The following NAALAD2 variants were observed in gnomAD, a reference collection of about 807,000 sequenced individuals.
NAALAD2 encodes the protein N-acetylated-alpha-linked acidic dipeptidase 2.
Under a neutral mutation model 95.6 loss-of-function variants are expected in NAALAD2, and 89 were observed. The ratio of observed to expected loss-of-function variants is 0.93; its 90% CI spans 0.78 to 1.11. NAALAD2 has a LOEUF of 1.11. Among genes scored for constraint, NAALAD2 ranks in the 50% least tolerant of loss-of-function variants. The pLI is 0.00. For missense variants in NAALAD2, 894 were observed against 872.4 expected, an observed-to-expected ratio of 1.02 and a Z score of -0.31; for synonymous variants, 264 against 294.4, an observed-to-expected ratio of 0.90 and a Z score of 1.06.
intron 2 of NAALAD2, among the ~76,000 whole-genome samples, chr11:90,138,344 G>C (rs1250683420): frequency 6.6e-6 from 1 of 152,136 alleles, no homozygotes; most frequent in East Asian, 1.9e-4. Context: ...AGAAGGTAGA[G>C]AAGGGAGTCA....
At chr11:90,189,870 T>C (rs1857272549) in intron 18 of NAALAD2, among the ~76,000 whole-genome samples, 1 of 152,266 alleles carries the variant, frequency 6.6e-6, no homozygotes, top group Non-Finnish European at 1.5e-5. Flanking sequence ...GTGTTGACCA[T>C]ATTCTCTAGT....
At chr11:90,191,360 ATATGTCT>A (rs539340202) in intron 18 of NAALAD2, among the ~76,000 whole-genome samples, 191 bp from the exon 19 acceptor site, 222 of 151,104 alleles carry the variant, frequency 1.5e-3, no homozygotes, top group African/African-American at 5.3e-3. Flanking sequence ...GATTCCTGAG[ATATGTCT>A]TAGCGAATGC....
At chr11:90,173,259 T>C (rs1952692171) in intron 13 of NAALAD2, among the ~76,000 whole-genome samples, 1 of 152,056 alleles carries the variant, frequency 6.6e-6, no homozygotes, top group Admixed American at 6.6e-5. Flanking sequence ...TTTTAAAAAA[T>C]CCATAAAATT....
intron 6 of NAALAD2, among the ~76,000 whole-genome samples, chr11:90,156,845 C>T (rs1199102649): frequency 6.6e-6 from 1 of 152,056 alleles, no homozygotes; most frequent in African/African-American, 2.4e-5. Flanking sequence ...TTTCTGATTT[C>T]CCTTTTCATT....
intron 18 of NAALAD2, among the ~76,000 whole-genome samples, chr11:90,190,700 A>G (rs1656720461): frequency 6.6e-6 from 1 of 152,156 alleles, no homozygotes; most frequent in Admixed American, 6.6e-5. Context: ...GGCCATATTA[A>G]GATTTAAAAG....
intron 11 of NAALAD2, among the ~76,000 whole-genome samples, chr11:90,168,280 G>C (rs1003622819): frequency 2.6e-5 from 4 of 152,256 alleles, no homozygotes; most frequent in Admixed American, 6.5e-5. Flanking sequence ...CTCCGGACAC[G>C]CCGCCTTTAA....
chr11:90,148,306 A>G (rs1382934500), intron 3 of NAALAD2, among the ~76,000 whole-genome samples: 2 of 152,190 alleles, frequency 1.3e-5, no homozygotes, highest in Admixed American at 6.5e-5. Context: ...GATTTCAGAA[A>G]TAGTAAGGAA....
chr11:90,181,476 A>C (rs1952965978), intron 16 of NAALAD2, 144 bp from the exon 17 acceptor site: 2 of 614,984 alleles, frequency 3.3e-6, no homozygotes, highest in Non-Finnish European at 5.8e-6. Flanking sequence ...ATTTTCTACT[A>C]ATTTTCATGG....
intron 8 of NAALAD2, chr11:90,162,658 T>C (rs928845804): frequency 1.1e-5 from 2 of 179,116 alleles, no homozygotes; most frequent in African/African-American, 4.7e-5. Flanking sequence ...TTTAAATAAA[T>C]AACAATTTAG....
intron 4 of NAALAD2, among the ~76,000 whole-genome samples, chr11:90,149,775 A>G (rs1951840372): frequency 6.6e-6 from 1 of 152,132 alleles, no homozygotes; most frequent in Non-Finnish European, 1.5e-5. Flanking sequence ...TCCATTTTTC[A>G]TAATTTGAAT....
intron 4 of NAALAD2, among the ~76,000 whole-genome samples, chr11:90,149,490 A>G (rs1865274369): frequency 6.6e-6 from 1 of 152,104 alleles, no homozygotes; most frequent in Non-Finnish European, 1.5e-5. Context: ...GCTGGAGTGC[A>G]GTGGCACAAT....
rs1309352383 is a variant in NAALAD2 at position 90,159,283 on chromosome 11, C to T, written c.935C>T (p.Ala312Val). 1.9e-6 allele frequency: 3 copies of T among 1,613,774 alleles called. No homozygotes were observed. Among genetic ancestry groups the T allele is most frequent in the Non-Finnish European group, 2.5e-6 (3 of 1,179,850 alleles). ...IAPPDKSWKG[A>V]LNVSYSIGPG... is the part of the protein sequence containing the mutation. ...CCACCAGATAAGAGTTGGAAGGGAGCCCTTAATGTGAGTTATAGTATCGGA... is the reference window on the plus strand; with the variant it reads ...CCACCAGATAAGAGTTGGAAGGGAGTCCTTAATGTGAGTTATAGTATCGGA... The change falls in exon 8 of 19, where the codon GCC becomes GTC. Residue 312 changes from alanine (A) to valine (V), a missense_variant. Transcript: ENST00000534061.
chr11:90,166,553 T>G (rs956230806), intron 11 of NAALAD2, among the ~76,000 whole-genome samples: 1 of 152,198 alleles, frequency 6.6e-6, no homozygotes, highest in African/African-American at 2.4e-5. Context: ...AAATACAGAT[T>G]GGCTGGGCGC....
At chr11:90,183,565 G>A (rs1004407808) in intron 18 of NAALAD2, among the ~76,000 whole-genome samples, 3 of 152,092 alleles carry the variant, frequency 2.0e-5, no homozygotes, top group African/African-American at 4.8e-5. Flanking sequence ...GGTTCTCAAC[G>A]ATGGTTAGAT....
upstream of NAALAD2, chr11:90,131,855 G>C (rs1014386042): frequency 1.3e-5 from 2 of 152,136 alleles, no homozygotes; most frequent in Non-Finnish European, 2.9e-5. Flanking sequence ...TGAATCATGA[G>C]CAGGTCAAAT....
intron 13 of NAALAD2, among the ~76,000 whole-genome samples, chr11:90,171,032 AG>A (rs1167024563): frequency 1.3e-5 from 2 of 152,222 alleles, no homozygotes; most frequent in African/African-American, 4.8e-5. Flanking sequence ...GCAAGTCTAA[AG>A]GCAAAATGGA....
intron 2 of NAALAD2, among the ~76,000 whole-genome samples, 168 bp from the exon 3 acceptor site, chr11:90,147,162 A>T (rs746634276): frequency 2.0e-5 from 3 of 152,184 alleles, no homozygotes; most frequent in Non-Finnish European, 2.9e-5. Flanking sequence ...CAAATAACTT[A>T]AAAATTGGCC....
Position 90,163,406 on chromosome 11 carries a change from G to A in NAALAD2, c.1172G>A (p.Ser391Asn), listed in dbSNP as rs1439742455. ...GCTGTTTTGCAAGAAATTGCCCGGA[G>A]TTTTGGAAAACTGATGAGTAAAGGT... is the stretch of plus-strand genomic sequence containing the variant. Reference protein sequence around the residue: ...GVAVLQEIARSFGKLMSKGWR... With the variant: ...GVAVLQEIARNFGKLMSKGWR... Residue 391 changes from serine to asparagine, a missense_variant, in exon 10 of 19, where the codon AGT (serine) becomes AAT (asparagine). By Grantham distance (46) the Ser-to-Asn change is conservative. Coordinates refer to ENST00000534061, the MANE Select transcript of NAALAD2 (RefSeq NM_005467.4). 5.0e-6 allele frequency: 8 copies of A among 1,614,076 alleles called. No homozygotes were observed. The South Asian group carries it at 8.8e-5, about 18-fold the overall frequency.
intron 18 of NAALAD2, among the ~76,000 whole-genome samples, chr11:90,187,323 AATTTG>A (rs1857183289): frequency 6.6e-6 from 1 of 152,122 alleles, no homozygotes; most frequent in Non-Finnish European, 1.5e-5. Context: ...CACATTTTTA[AATTTG>A]ATTAGGTTAC....
Sources: gnomAD v4.1 joint callset for allele counts (sites outside exome capture counted in the v4.1 genomes callset) on GRCh38, gnomAD v4.1.1 for gene constraint, MANE v1.5 for transcripts, NCBI Gene and HGNC (gene_info 2026-07-23, HGNC 2026-07-21) for gene names.